TAF1B: variants seen among roughly 807,000 people sequenced by gnomAD.
TAF1B encodes the protein TATA box-binding protein-associated factor RNA polymerase I subunit B.
TAF1B carries 61 observed loss-of-function variants against 83.9 expected under a neutral mutation model. That is an observed-to-expected ratio of 0.73 (90% CI 0.59 to 0.90). TAF1B has a LOEUF of 0.90. Among genes scored for constraint, TAF1B ranks in the 40% least tolerant of loss-of-function variants. The probability of loss-of-function intolerance (pLI) is 0.00; values close to 1 mark genes in which losing one functional copy is unlikely to be tolerated. For synonymous variants in TAF1B, 221 were observed against 224.6 expected, an observed-to-expected ratio of 0.98 and a Z score of 0.14; for missense variants, 625 against 677.0, an observed-to-expected ratio of 0.92 and a Z score of 0.85.
At chr2:9,849,341 C>G (rs1663307529) in intron 2 of TAF1B, 32 bp from the exon 3 acceptor site, 1 of 1,525,126 alleles carries the variant, frequency 6.6e-7, no homozygotes, top group Non-Finnish European at 8.9e-7. Flanking sequence ...GTAAAACGAT[C>G]TTTTTTAATG....
intron 8 of TAF1B, among the ~76,000 whole-genome samples, chr2:9,896,756 C>T (rs1665032734): frequency 6.6e-6 from 1 of 151,616 alleles, no homozygotes; most frequent in Admixed American, 6.6e-5. Context: ...TGGCAAAACT[C>T]ACTTAAAGCA....
At chr2:9,884,804 T>G (rs886619698) in intron 8 of TAF1B, among the ~76,000 whole-genome samples, 3 of 152,136 alleles carry the variant, frequency 2.0e-5, no homozygotes, top group African/African-American at 7.2e-5. Flanking sequence ...TGGGTGCTGC[T>G]GCAGCCACCC....
At chr2:9,860,534 G>A (rs1375411956) in intron 5 of TAF1B, among the ~76,000 whole-genome samples, 6 of 152,154 alleles carry the variant, frequency 3.9e-5, no homozygotes, top group African/African-American at 1.2e-4. Context: ...ATTTAAAACT[G>A]TAAGACCGGA....
At chr2:9,862,308 C>A (rs1663798358) in intron 5 of TAF1B, among the ~76,000 whole-genome samples, 1 of 152,160 alleles carries the variant, frequency 6.6e-6, no homozygotes, top group South Asian at 2.1e-4. Context: ...GCACAGTCCT[C>A]ACTAGCTGAT....
At chr2:9,888,790 G>GTTTTTTTTTTTT (rs56125595) in intron 8 of TAF1B, among the ~76,000 whole-genome samples, 1 of 81,662 alleles carries the variant, frequency 1.2e-5, no homozygotes, top group African/African-American at 7.7e-5. Flanking sequence ...CTTCTGCTTG[G>GTTTTTTTTTTTT]TTTTTTTTTT....
chr2:9,909,441 G>C (rs1665456116), intron 9 of TAF1B, among the ~76,000 whole-genome samples: 1 of 152,246 alleles, frequency 6.6e-6, no homozygotes, highest in Non-Finnish European at 1.5e-5. Context: ...ATGAGGAATG[G>C]GGGAAAGAAA....
chr2:9,904,079 G>T (rs1361676251), intron 8 of TAF1B, among the ~76,000 whole-genome samples: 2 of 151,878 alleles, frequency 1.3e-5, no homozygotes, highest in African/African-American at 4.8e-5. Flanking sequence ...AAATACTTTG[G>T]CTTGGAACAT....
At chr2:9,891,912 G>A (rs448287) in intron 8 of TAF1B, among the ~76,000 whole-genome samples, 42,487 of 152,150 alleles carry the variant, frequency 0.28, 6,918 homozygotes, top group Middle Eastern at 0.4. Context: ...TAGAAAAGAT[G>A]CAGTAAGCTA....
At chr2:9,905,986 G>A (rs980511105) in intron 9 of TAF1B, among the ~76,000 whole-genome samples, 50 of 152,100 alleles carry the variant, frequency 3.3e-4, no homozygotes, top group Non-Finnish European at 3.8e-4. Flanking sequence ...CCAGAATTTG[G>A]AAGATCTTAT....
At chr2:9,865,492 T>C (rs560747635) in intron 5 of TAF1B, among the ~76,000 whole-genome samples, 1 of 152,094 alleles carries the variant, frequency 6.6e-6, no homozygotes, top group Admixed American at 6.5e-5. Context: ...GAAGAATCAA[T>C]ATCGTGAAAA....
chr2:9,911,010 G>A, intron 10 of TAF1B, 97 bp downstream of exon 10: 1 of 1,189,304 alleles, frequency 8.4e-7, no homozygotes, highest in Non-Finnish European at 1.2e-6. Flanking sequence ...TTTAAAAAAA[G>A]AGCTAAAGAA....
intron 8 of TAF1B, among the ~76,000 whole-genome samples, chr2:9,889,425 A>G (rs1664795844): frequency 6.6e-6 from 1 of 151,766 alleles, no homozygotes; most frequent in African/African-American, 2.4e-5. Context: ...TACATTTTTC[A>G]TTTCTGGAAC....
At chr2:9,849,608 A>T (rs1216809326) in intron 3 of TAF1B, 148 bp downstream of exon 3, 1 of 495,920 alleles carries the variant, frequency 2.0e-6, no homozygotes, top group Admixed American at 4.0e-5. Flanking sequence ...CTATGTCTGT[A>T]TTCATTGTGG....
At chr2:9,919,922 C>G in intron 14 of TAF1B, 102 bp downstream of exon 14, 1 of 1,085,874 alleles carries the variant, frequency 9.2e-7, no homozygotes, top group Non-Finnish European at 1.3e-6. Flanking sequence ...AGCTTAAAGT[C>G]ACGAAAATCA....
chr2:9,853,239 G>C (rs1663457384), intron 4 of TAF1B, among the ~76,000 whole-genome samples: 1 of 152,102 alleles, frequency 6.6e-6, no homozygotes, highest in Admixed American at 6.5e-5. Flanking sequence ...TAACTGTTTA[G>C]ACCTGATCAG....
intron 5 of TAF1B, among the ~76,000 whole-genome samples, chr2:9,860,381 T>C (rs772164767): frequency 9.9e-5 from 15 of 152,244 alleles, no homozygotes; most frequent in Non-Finnish European, 1.9e-4. Flanking sequence ...ACATACGCCA[T>C]TATTTTAAGT....
rs80094165 is a variant in TAF1B, at chr2:9,912,006, T to C, written c.1180+449T>C. Among the ~76,000 whole-genome samples the C allele has an allele frequency of 9.6e-3, 1,455 of 152,346 alleles. 12 individuals are homozygous for C. Among genetic ancestry groups the C allele is most frequent in the Non-Finnish European group, 0.012 (808 of 68,028 alleles). On this transcript the variant is annotated intron_variant, in intron 11 of 14. Coordinates refer to ENST00000263663, the MANE Select transcript of TAF1B (RefSeq NM_005680.3). ...CACTCTTCTGTCTGGTCTTCACACC[T>C]ATCCACTTCACAATGCTTCACCTCT...
At chr2:9,923,905 C>T (rs542447498) in intron 14 of TAF1B, among the ~76,000 whole-genome samples, 62 of 152,310 alleles carry the variant, frequency 4.1e-4, no homozygotes, top group Middle Eastern at 3.4e-3. Context: ...CATGCCCTGC[C>T]TCCTCCAGCT....
chr2:9,895,095 A>C (rs1175164180), intron 8 of TAF1B, among the ~76,000 whole-genome samples: 1 of 152,220 alleles, frequency 6.6e-6, no homozygotes, highest in Non-Finnish European at 1.5e-5. Flanking sequence ...TTGTCTGTAC[A>C]AGTTGACAAC....
Sources: allele counts gnomAD v4.1 joint callset (sites outside exome capture counted in the v4.1 genomes callset), GRCh38; gene constraint gnomAD v4.1.1; transcripts MANE v1.5; gene names NCBI Gene and HGNC (gene_info 2026-07-23, HGNC 2026-07-21).